SPIRE1: variants seen among roughly 807,000 people sequenced by gnomAD.
The protein encoded by SPIRE1 is spire type actin nucleation factor 1.
In SPIRE1, 40 loss-of-function variants were observed where a neutral mutation model predicts 94.1. The ratio of observed to expected loss-of-function variants is 0.43; its 90% CI spans 0.33 to 0.55. The LOEUF (loss-of-function observed/expected upper bound fraction) is 0.55. Among genes scored for constraint, SPIRE1 ranks in the 20% least tolerant of loss-of-function variants. The pLI, the probability that SPIRE1 is intolerant of heterozygous loss-of-function variation, is 0.06. For synonymous variants in SPIRE1, 376 were observed against 371.7 expected (o/e 1.01, Z -0.13); for missense variants, 838 against 975.2 (o/e 0.86, Z 1.87).
chr18:12,582,143 C>G (rs2036272138), intron 2 of SPIRE1, among the ~76,000 whole-genome samples: 1 of 152,026 alleles, frequency 6.6e-6, no homozygotes, highest in Admixed American at 6.6e-5. Flanking sequence ...AACTATAAAC[C>G]ATGGTAAATT....
chr18:12,461,422 G>GTGTGTATGTATGTACATACA (rs1555680886), intron 12 of SPIRE1, among the ~76,000 whole-genome samples: 2 of 127,704 alleles, frequency 1.6e-5, no homozygotes, highest in Non-Finnish European at 3.3e-5. Flanking sequence ...GTATGTGTGT[G>GTGTGTATGTATGTACATACA]TGTGTGTATG....
intron 6 of SPIRE1, among the ~76,000 whole-genome samples, chr18:12,500,975 G>A (rs1048806754): frequency 6.7e-6 from 1 of 150,162 alleles, no homozygotes; most frequent in Non-Finnish European, 1.5e-5. Context: ...GGGAGGTGGA[G>A]GCAGGAGAAT....
chr18:12,568,130 G>C (rs1180192806), intron 2 of SPIRE1, among the ~76,000 whole-genome samples: 2 of 152,222 alleles, frequency 1.3e-5, no homozygotes, highest in African/African-American at 2.4e-5. Flanking sequence ...GTAGAAGAGT[G>C]ATCGGGGTAC....
At chr18:12,606,976 G>A (rs921102116) in intron 2 of SPIRE1, among the ~76,000 whole-genome samples, 1 of 152,070 alleles carries the variant, frequency 6.6e-6, no homozygotes, top group Admixed American at 6.6e-5. Context: ...CTTAGCTCAA[G>A]GTAAACAAAT....
At chr18:12,518,501 A>C (rs191534544) in intron 4 of SPIRE1, among the ~76,000 whole-genome samples, 1,545 of 147,888 alleles carry the variant, frequency 0.01, 27 homozygotes, top group African/African-American at 0.034. Flanking sequence ...CACACACACA[A>C]AAAAAAAAAA....
chr18:12,501,070 C>A (rs2033642792), intron 6 of SPIRE1, among the ~76,000 whole-genome samples: 1 of 58,706 alleles, frequency 1.7e-5, no homozygotes. Context: ...GAAACTCTGT[C>A]TCAAAAAAAA....
intron 2 of SPIRE1, among the ~76,000 whole-genome samples, chr18:12,556,481 C>T (rs1005640844): frequency 6.6e-5 from 10 of 152,290 alleles, no homozygotes; most frequent in Admixed American, 2.0e-4. Flanking sequence ...AATGAAGCTG[C>T]GGACCCTCAC....
intron 1 of SPIRE1, among the ~76,000 whole-genome samples, chr18:12,657,096 C>A (rs2038562082): frequency 6.6e-6 from 1 of 151,452 alleles, no homozygotes; most frequent in Admixed American, 6.6e-5. Flanking sequence ...CGTGCGGAGC[C>A]CCCGCGTGAA....
intron 1 of SPIRE1, among the ~76,000 whole-genome samples, chr18:12,656,188 C>T (rs1308010747): frequency 2.0e-5 from 3 of 152,276 alleles, no homozygotes; most frequent in Admixed American, 2.0e-4. Context: ...CTTGAGCCAC[C>T]GCACCTGGCA....
intron 2 of SPIRE1, among the ~76,000 whole-genome samples, chr18:12,556,137 C>A (rs1403118341): frequency 7.3e-5 from 11 of 151,650 alleles, no homozygotes; most frequent in Non-Finnish European, 1.6e-4. Flanking sequence ...CTATAAAACA[C>A]TGATGCAAGA....
At chr18:12,628,598 A>T (rs1439415146) in intron 2 of SPIRE1, among the ~76,000 whole-genome samples, 1 of 152,196 alleles carries the variant, frequency 6.6e-6, no homozygotes, top group Non-Finnish European at 1.5e-5. Context: ...AGTCATTGGT[A>T]GCTTGATGGG....
chr18:12,625,867 AC>A (rs551478583), intron 2 of SPIRE1, among the ~76,000 whole-genome samples: 261 of 152,266 alleles, frequency 1.7e-3, no homozygotes, highest in African/African-American at 6.1e-3. Flanking sequence ...ACATGGTGAA[AC>A]CCCGTCTCTA....
At chr18:12,504,572 T>C (rs1454520451) in intron 6 of SPIRE1, among the ~76,000 whole-genome samples, 1 of 152,202 alleles carries the variant, frequency 6.6e-6, no homozygotes, top group Non-Finnish European at 1.5e-5. Flanking sequence ...ATAACTTTGA[T>C]TAAATTTCCT....
At chr18:12,476,610 T>C (rs1056840733) in intron 10 of SPIRE1, among the ~76,000 whole-genome samples, 47 of 130,766 alleles carry the variant, frequency 3.6e-4, no homozygotes, top group Non-Finnish European at 5.6e-4. Context: ...CACACACACA[T>C]ATATACACAC....
chr18:12,659,252 T>G (rs1236541911), upstream of SPIRE1, among the ~76,000 whole-genome samples: 1 of 137,028 alleles, frequency 7.3e-6, no homozygotes, highest in Non-Finnish European at 1.7e-5. Flanking sequence ...AATTGCATCT[T>G]GCGGTAGAAA....
intron 5 of SPIRE1, among the ~76,000 whole-genome samples, chr18:12,507,175 A>C (rs977163980): frequency 2.6e-5 from 4 of 152,086 alleles, no homozygotes; most frequent in Non-Finnish European, 5.9e-5. Flanking sequence ...GGATCTGGAG[A>C]CCCATGAGTT....
intron 12 of SPIRE1, 109 bp from the exon 13 acceptor site, chr18:12,454,592 G>T: frequency 9.6e-7 from 1 of 1,041,834 alleles, no homozygotes; most frequent in Non-Finnish European, 1.5e-6. Flanking sequence ...GAAGAGAACA[G>T]GTTTCCCAAT....
rs535413436 is a variant in SPIRE1, at chr18:12,543,029, T to C, written c.603+3645A>G. ...TTTTAGTAGAGATGGGGTTTCACTA[T>C]GTTGGCCAGGCTGGTCGTGAACTCC... On this transcript the variant is annotated intron_variant, in intron 3 of 16. Coordinates refer to ENST00000409402, the MANE Select transcript of SPIRE1 (RefSeq NM_001128626.2). Among the ~76,000 whole-genome samples, 11 of 152,264 alleles carry C rather than the reference T, an allele frequency of 7.2e-5. No individual in the cohort carries two copies. In the South Asian group the frequency reaches 2.3e-3, roughly 32 times the overall value.
chr18:12,490,989 C>T (rs955907231), intron 8 of SPIRE1, among the ~76,000 whole-genome samples: 4 of 152,144 alleles, frequency 2.6e-5, no homozygotes, highest in East Asian at 3.9e-4. Flanking sequence ...ATAAAAGTGT[C>T]CCTGTTTGCA....
Sources: gnomAD v4.1 joint callset for allele counts (sites outside exome capture counted in the v4.1 genomes callset) on GRCh38, gnomAD v4.1.1 for gene constraint, MANE v1.5 for transcripts, NCBI Gene and HGNC (gene_info 2026-07-23, HGNC 2026-07-21) for gene names.